VPS13C: variants seen among roughly 807,000 people sequenced by gnomAD.
The protein encoded by VPS13C is vacuolar protein sorting 13 homolog C.
VPS13C carries 358 observed loss-of-function variants against 456.8 expected under a neutral mutation model. The ratio of observed to expected loss-of-function variants is 0.78; its 90% CI spans 0.72 to 0.86. The LOEUF (loss-of-function observed/expected upper bound fraction) is 0.86. VPS13C is among the 40% of genes least tolerant of loss of function. VPS13C has a pLI of 0.00. For missense variants in VPS13C, 4,818 were observed against 4,385.4 expected, an observed-to-expected ratio of 1.10 and a Z score of -2.79; for synonymous variants, 1,578 against 1,486.7, an observed-to-expected ratio of 1.06 and a Z score of -1.41.
rs987727920 is a variant in VPS13C, at chr15:61,901,058, T to C, written c.9105+6206A>G. 3.9e-5 allele frequency among the ~76,000 whole-genome samples: 6 copies of C among 152,028 alleles called. 1 individual carries two copies. The highest frequency in any genetic ancestry group is 4.2e-4 in the South Asian group (2 of 4,816). On this transcript the variant is annotated intron_variant, in intron 66 of 84. Coordinates refer to ENST00000644861, the MANE Select transcript of VPS13C (RefSeq NM_020821.3). ...GTGCTGGGAAAATTGGCTAGCCATA[T>C]GTAGAAAGCTGAAACTGGATCCCTT...
chr15:62,041,435 T>G, intron 2 of VPS13C, 69 bp from the exon 3 acceptor site: 1 of 1,468,160 alleles, frequency 6.8e-7, no homozygotes, highest in Non-Finnish European at 9.3e-7. Context: ...CACTTTTGTG[T>G]GATCATTTAA....
Position 61,922,644 on chromosome 15 carries a change from G to T in VPS13C, c.6728C>A (p.Ser2243Ter). 1 of 1,613,754 alleles carries T rather than the reference G, an allele frequency of 6.2e-7. No homozygotes were observed. The highest frequency in any genetic ancestry group is 1.1e-5 in the South Asian group (1 of 91,028). ...AAACCAAGTGTTATAATCATTAATC[G>T]ATTTGATACCCCAAAGATTTTCCAT... The part of the protein sequence containing the change: ...KEMENLWGIK[S>*]INDYNTWFLG... The change falls in exon 54 of 85, where the codon TCG (serine) becomes TAG (stop). Residue 2243 changes from serine to a stop codon, truncating the protein, a stop_gained. Transcript: ENST00000644861. LOFTEE classifies it high-confidence loss of function.
intron 28 of VPS13C, 122 bp downstream of exon 28, chr15:61,969,177 G>C (rs961462972): frequency 5.8e-6 from 4 of 684,794 alleles, no homozygotes; most frequent in Non-Finnish European, 9.0e-6. Context: ...GTTATTACTT[G>C]TAAAGTGCTT....
intron 47 of VPS13C, among the ~76,000 whole-genome samples, chr15:61,937,134 C>T (rs369132594): frequency 1.3e-5 from 2 of 152,308 alleles, no homozygotes; most frequent in East Asian, 3.9e-4. Flanking sequence ...AAACTAAATA[C>T]AGGACGAGTG....
At chr15:61,999,392 A>AG (rs1457841906) in intron 16 of VPS13C, among the ~76,000 whole-genome samples, 8 of 151,252 alleles carry the variant, frequency 5.3e-5, no homozygotes, top group South Asian at 2.1e-4. Flanking sequence ...AAAAAAAAAA[A>AG]AGAGAGAGAG....
chr15:62,048,955 T>C (rs1354044157), intron 1 of VPS13C, among the ~76,000 whole-genome samples: 101 of 151,526 alleles, frequency 6.7e-4, no homozygotes, highest in African/African-American at 2.4e-3. Flanking sequence ...GGGTTGTTTG[T>C]TTTTTTCTTG....
chr15:62,042,832 G>C (rs1162671498), intron 2 of VPS13C, among the ~76,000 whole-genome samples: 1 of 151,754 alleles, frequency 6.6e-6, no homozygotes, highest in East Asian at 1.9e-4. Context: ...AAGTCAAAGG[G>C]TGCAGCACAC....
At chr15:61,974,153 T>C (rs781004142) in intron 25 of VPS13C, 135 bp downstream of exon 25, 3 of 914,050 alleles carry the variant, frequency 3.3e-6, no homozygotes, top group African/African-American at 1.7e-5. Context: ...AAACACATTA[T>C]AAATTTGAAA....
Position 61,983,969 on chromosome 15 carries a change from G to C in VPS13C, c.1765C>G (p.Gln589Glu). Residue 589 changes from glutamine (Q) to glutamate (E), a missense_variant, in exon 20 of 85, where the codon CAG becomes GAG. Transcript: ENST00000644861. ...LEHWYITGLR[Q>E]QDIVPSLVAS... is the part of the protein sequence containing the mutation. The stretch of plus-strand genomic sequence containing the variant: ...ACAAGTGATGGCACAATATCCTGCT[G>C]TCTCAAACCTGTTATATACCAGTGT... 6.2e-6 allele frequency: 10 copies of C among 1,614,094 alleles called. No homozygotes were observed. The highest frequency in any genetic ancestry group is 8.5e-6 in the Non-Finnish European group (10 of 1,179,986).
At chr15:62,026,223 T>C (rs544152162) in intron 6 of VPS13C, among the ~76,000 whole-genome samples, 5 of 151,746 alleles carry the variant, frequency 3.3e-5, no homozygotes, top group African/African-American at 1.2e-4. Context: ...TGAAACCCTA[T>C]CAATGAATTT....
Position 61,853,150 on chromosome 15 carries a change from C to T in VPS13C, c.*1307G>A, listed in dbSNP as rs564226695. The T allele has an allele frequency of 6.6e-6, 1 of 152,206 alleles. No homozygotes were observed. Among genetic ancestry groups the T allele is most frequent in the East Asian group, 1.9e-4 (1 of 5,188 alleles). The allele number at this position is 152,206 out of a possible 1,614,324, so 9.4% of individuals were successfully genotyped here. On this transcript the variant is annotated 3_prime_UTR_variant, in exon 85 of 85. Transcript: ENST00000644861. ...TGTCCTGAATTGATTCTCACAGGGC[C>T]TGCTCCCTCACAGAACACAGTGTCA...
chr15:61,915,753 G>A lies in VPS13C; in HGVS notation c.8325C>T (p.Ile2775=), dbSNP rs926818796. The A allele has an allele frequency of 1.2e-5, 20 of 1,614,040 alleles. No individual in the cohort carries two copies. Among genetic ancestry groups the A allele is most frequent in the Non-Finnish European group, 1.7e-5 (20 of 1,180,046 alleles). ...VLSVFSPYWL[I]NKTTRVLQYR... is the part of the protein sequence containing the mutation. ...ACTGGAGAACCCGGGTAGTCTTGTT[G>A]ATTAACCAATAGGGACTAAAGACAG... The change falls in exon 61 of 85, where the codon ATC becomes ATT. Residue 2775 remains isoleucine, a synonymous_variant. Transcript: ENST00000644861.
chr15:61,969,893 C>T (rs1437784646), intron 27 of VPS13C, among the ~76,000 whole-genome samples: 1 of 151,564 alleles, frequency 6.6e-6, no homozygotes, highest in African/African-American at 2.4e-5. Context: ...AAAAATAAAA[C>T]GTGGTAATTT....
In VPS13C at chr15:61,867,959, G is replaced by A. The variant is rs772494755; in HGVS notation, c.10863+700C>T. The A allele has an allele frequency of 1.3e-6, 2 of 1,521,570 alleles. No homozygotes were observed. Among genetic ancestry groups the A allele is most frequent in the South Asian group, 2.3e-5 (2 of 87,766 alleles). 94.3% of individuals were successfully genotyped at this position (1,521,570 alleles called of 1,614,324 possible). A position where few individuals can be genotyped will look rare whatever the true frequency, so the allele number is the denominator to read the frequency against. On this transcript the variant is annotated intron_variant, in intron 81 of 84. Coordinates refer to ENST00000644861, the MANE Select transcript of VPS13C (RefSeq NM_020821.3). The surrounding 1 kb of genome is among the most constrained non-coding windows in gnomAD (Gnocchi z 5.0). ...ATTTCCAGTTCTTGCTGTGCAGGCA[G>A]AAAAACAAAGAAAATAAAGTTAGAA... is the stretch of plus-strand genomic sequence containing the variant.
At chr15:62,047,993 G>T (rs899594735) in intron 1 of VPS13C, among the ~76,000 whole-genome samples, 1 of 150,556 alleles carries the variant, frequency 6.6e-6, no homozygotes, top group African/African-American at 2.4e-5. Flanking sequence ...GATCACCAGG[G>T]CTAAGAACAC....
chr15:62,031,420 G>A (rs1385738056), intron 5 of VPS13C, among the ~76,000 whole-genome samples: 1 of 151,846 alleles, frequency 6.6e-6, no homozygotes, highest in Non-Finnish European at 1.5e-5. Context: ...ATAAAGGTCA[G>A]GGTTGTCCTC....
intron 38 of VPS13C, among the ~76,000 whole-genome samples, chr15:61,953,769 A>C (rs901348591): frequency 3.9e-5 from 6 of 151,994 alleles, no homozygotes; most frequent in Non-Finnish European, 7.4e-5. Context: ...ACTTCATTGA[A>C]ATGTCTCCTC....
At chr15:61,877,934 T>G (rs1260616160) in intron 74 of VPS13C, among the ~76,000 whole-genome samples, 1 of 151,970 alleles carries the variant, frequency 6.6e-6, no homozygotes, top group African/African-American at 2.4e-5. Flanking sequence ...AAGATAACAG[T>G]CCTTTCTCTG....
intron 48 of VPS13C, chr15:61,935,609 T>C (rs1221895750): frequency 6.6e-6 from 1 of 152,218 alleles, no homozygotes; most frequent in Admixed American, 6.5e-5. Flanking sequence ...ACATAGTTCC[T>C]GTCTAACTAT....
Sources: gnomAD v4.1 joint callset for allele counts (sites outside exome capture counted in the v4.1 genomes callset) on GRCh38, gnomAD v4.1.1 for gene constraint, Gnocchi (gnomAD v3.1) non-coding constraint, MANE v1.5 for transcripts, NCBI Gene and HGNC (gene_info 2026-07-23, HGNC 2026-07-21) for gene names.